Variants in CAMK2B observed in about 807,000 individuals in gnomAD.
CAMK2B encodes the protein calcium/calmodulin dependent protein kinase II beta.
Under a neutral mutation model 93.7 loss-of-function variants are expected in CAMK2B, and 27 were observed. That is an observed-to-expected ratio of 0.29 (90% CI 0.21 to 0.40). The LOEUF is 0.40. Ranked by LOEUF, CAMK2B falls within the 10% of genes least tolerant of loss-of-function variation. The pLI is 1.00. For missense variants in CAMK2B, 568 were observed against 895.8 expected, an observed-to-expected ratio of 0.63 and a Z score of 4.67; for synonymous variants, 374 against 358.8, an observed-to-expected ratio of 1.04 and a Z score of -0.48.
At chr7:44,232,545 C>T (rs1016409095) in intron 16 of CAMK2B, among the ~76,000 whole-genome samples, 2 of 152,186 alleles carry the variant, frequency 1.3e-5, no homozygotes, top group East Asian at 3.9e-4. Flanking sequence ...TACTGCCTGC[C>T]GTAGGTGGGA....
At chr7:44,240,853 T>G in intron 11 of CAMK2B, 104 bp from the exon 12 acceptor site, 1 of 1,231,328 alleles carries the variant, frequency 8.1e-7, no homozygotes, top group South Asian at 1.3e-5. Flanking sequence ...CTCAGCCTCA[T>G]TGTCATGAGG....
intron 12 of CAMK2B, among the ~76,000 whole-genome samples, chr7:44,240,323 C>T (rs1047448353): frequency 1.3e-5 from 2 of 152,230 alleles, no homozygotes; most frequent in Non-Finnish European, 2.9e-5. Context: ...ACCCCGCATC[C>T]CTTCTGCCCA....
chr7:44,229,435 G>T lies in CAMK2B; in HGVS notation c.1292C>A (p.Pro431His). 1 of 1,499,542 alleles carries T rather than the reference G, an allele frequency of 6.7e-7. No individual in the cohort carries two copies. Among genetic ancestry groups the T allele is most frequent in the Non-Finnish European group, 8.9e-7 (1 of 1,125,882 alleles). 92.9% of individuals were successfully genotyped at this position (1,499,542 alleles called of 1,614,324 possible). A position where few individuals can be genotyped will look rare whatever the true frequency, so the allele number is the denominator to read the frequency against. Residue 431 changes from proline (P) to histidine (H), a missense_variant, in exon 18 of 24, where the codon CCC becomes CAC. By Grantham distance (77) the Pro-to-His change is moderately conservative. Coordinates refer to ENST00000395749, the MANE Select transcript of CAMK2B (RefSeq NM_001220.5). ...GGGAGCCGGAGATGGGCAGGGCAGGGGCCCCTCGGCTTCTGGGGCTCCCGA... is the reference window on the plus strand; with the variant it reads ...GGGAGCCGGAGATGGGCAGGGCAGGTGCCCCTCGGCTTCTGGGGCTCCCGA... ...RGSGAPEAEG[P>H]LPCPSPAPFS...
intron 1 of CAMK2B, among the ~76,000 whole-genome samples, chr7:44,310,458 G>A (rs1348943703): frequency 1.3e-5 from 2 of 152,212 alleles, no homozygotes; most frequent in Non-Finnish European, 2.9e-5. Context: ...ACACAACCCA[G>A]TGGCTATGTC....
At chr7:44,267,302 A>G (rs978873571) in intron 2 of CAMK2B, among the ~76,000 whole-genome samples, 10 of 152,184 alleles carry the variant, frequency 6.6e-5, no homozygotes, top group African/African-American at 2.4e-4. Flanking sequence ...GCCCCTTGTT[A>G]CAGCAGAGTG....
chr7:44,293,966 G>A (rs1787566215), intron 1 of CAMK2B, among the ~76,000 whole-genome samples: 2 of 152,226 alleles, frequency 1.3e-5, no homozygotes, highest in African/African-American at 4.8e-5. Context: ...CTACAGCCGG[G>A]ACCCTCTGGG....
chr7:44,247,864 C>G (rs552792581), intron 5 of CAMK2B, among the ~76,000 whole-genome samples: 1 of 152,112 alleles, frequency 6.6e-6, no homozygotes, highest in Non-Finnish European at 1.5e-5. Flanking sequence ...CCCGTCTCTA[C>G]TAAAAATACA....
intron 1 of CAMK2B, among the ~76,000 whole-genome samples, chr7:44,322,024 T>C (rs4410809): frequency 0.65 from 98,716 of 152,248 alleles, 33,142 homozygotes; most frequent in East Asian, 0.94. Flanking sequence ...CCCAGACGCA[T>C]TCAGGGCCCG....
At position 44,220,610 on chromosome 7, in the gene CAMK2B, A is replaced by G. The variant is rs1398525464; in HGVS notation, c.1768+6T>C. 6.2e-7 allele frequency: 1 copy of G among 1,611,140 alleles called. No individual in the cohort carries two copies. The highest frequency in any genetic ancestry group is 8.5e-7 in the Non-Finnish European group (1 of 1,178,554). ...CCCTCATGCCCACCCGGGCTTCCTCACTCACGGTTCTCGAAGTAGAATCTG... is the reference window on the plus strand; with the variant it reads ...CCCTCATGCCCACCCGGGCTTCCTCGCTCACGGTTCTCGAAGTAGAATCTG... On this transcript the variant is annotated splice_donor_region_variant and intron_variant, in intron 22 of 23. Coordinates refer to ENST00000395749, the MANE Select transcript of CAMK2B (RefSeq NM_001220.5).
chr7:44,275,179 A>T (rs1308373276), intron 2 of CAMK2B, among the ~76,000 whole-genome samples: 6 of 146,642 alleles, frequency 4.1e-5, no homozygotes, highest in African/African-American at 1.5e-4. Flanking sequence ...CACCCCCTCC[A>T]AATGCCAACA....
intron 6 of CAMK2B, among the ~76,000 whole-genome samples, chr7:44,244,631 C>G (rs190292572): frequency 4.3e-4 from 65 of 152,164 alleles, no homozygotes; most frequent in African/African-American, 1.4e-3. Context: ...AGAGACAAAA[C>G]AGACCACTCC....
At chr7:44,243,127 G>T in intron 8 of CAMK2B, 123 bp downstream of exon 8, 2 of 733,872 alleles carry the variant, frequency 2.7e-6, no homozygotes, top group South Asian at 1.8e-5. Flanking sequence ...CTCAAGGGCA[G>T]GTCTGACACA....
chr7:44,229,200 C>T, intron 18 of CAMK2B, 188 bp downstream of exon 18: 1 of 609,278 alleles, frequency 1.6e-6, no homozygotes, highest in Non-Finnish European at 3.0e-6. Flanking sequence ...TGGTCCAGGG[C>T]CCTCCTCACA....
At chr7:44,273,773 C>T (rs1428399821) in intron 2 of CAMK2B, among the ~76,000 whole-genome samples, 2 of 152,188 alleles carry the variant, frequency 1.3e-5, no homozygotes, top group African/African-American at 4.8e-5. Context: ...ATCCTCTGCC[C>T]CCAACTCTGT....
intron 2 of CAMK2B, among the ~76,000 whole-genome samples, chr7:44,276,430 C>G (rs540533501): frequency 2.8e-4 from 43 of 152,286 alleles, no homozygotes; most frequent in Admixed American, 2.4e-3. Flanking sequence ...GGCAGCACCC[C>G]CCCGCCACCC....
intron 13 of CAMK2B, among the ~76,000 whole-genome samples, chr7:44,236,024 C>G (rs902228835): frequency 2.6e-5 from 4 of 152,252 alleles, no homozygotes; most frequent in African/African-American, 9.6e-5. Context: ...CCTGTACAGT[C>G]AGAAATGCAA....
chr7:44,247,578 G>A (rs1395690697), intron 5 of CAMK2B, among the ~76,000 whole-genome samples: 2 of 151,912 alleles, frequency 1.3e-5, no homozygotes, highest in African/African-American at 4.8e-5. Flanking sequence ...CAGGCCGGGC[G>A]AGCGGGCTAG....
rs562754302 is a variant in CAMK2B, at chr7:44,254,523, G to A, written c.341+19C>T. 8.2e-6 allele frequency: 13 copies of A among 1,591,444 alleles called. No homozygotes were observed. Among genetic ancestry groups the A allele is most frequent in the African/African-American group, 5.4e-5 (4 of 74,452 alleles). Reference sequence around the variant, plus strand: ...TATAAAGGAAGAGGGACAGGACAGCGTGAGGGCTCTGCACCCACCTGGCAT... The same window carrying A: ...TATAAAGGAAGAGGGACAGGACAGCATGAGGGCTCTGCACCCACCTGGCAT... On this transcript the variant is annotated intron_variant, in intron 5 of 23. Coordinates refer to ENST00000395749, the MANE Select transcript of CAMK2B (RefSeq NM_001220.5).
At position 44,234,404 on chromosome 7, in the gene CAMK2B, G is replaced by A. The variant is rs754924723; in HGVS notation, c.1117C>T (p.Pro373Ser). Residue 373 changes from proline to serine, a missense_variant, in exon 15 of 24, where the codon CCT (proline) becomes TCT (serine). Physicochemically the swap from Pro to Ser is moderately conservative, Grantham distance 74. Around this residue, in one of 4 missense-constraint regions of CAMK2B, gnomAD observed 308 missense variants for 292.1 expected, o/e 1.05. Coordinates refer to ENST00000395749, the MANE Select transcript of CAMK2B (RefSeq NM_001220.5). ...AAATSPKGTL[P>S]PAALEPQTTV... ...GAGCTCAGTACCAGGGCGGCAGGAG[G>A]AAGCGTCCCTTTGGGGCTGGTGGCG... 1 of 1,533,468 alleles carries A rather than the reference G, an allele frequency of 6.5e-7. No homozygotes were observed. The highest frequency in any genetic ancestry group is 8.7e-7 in the Non-Finnish European group (1 of 1,143,492). 95.0% of individuals were successfully genotyped at this position (1,533,468 alleles called of 1,614,324 possible).
Sources: gnomAD v4.1 joint callset for allele counts (sites outside exome capture counted in the v4.1 genomes callset) on GRCh38, gnomAD v4.1.1 for gene constraint, gnomAD v4.1.1 regional missense constraint, MANE v1.5 for transcripts, NCBI Gene and HGNC (gene_info 2026-07-23, HGNC 2026-07-21) for gene names.